The following MYO18B variants were observed in gnomAD, a reference collection of about 807,000 sequenced individuals.
MYO18B encodes myosin XVIIIB.
Under a neutral mutation model 273.0 loss-of-function variants are expected in MYO18B, and 204 were observed. That is an observed-to-expected ratio of 0.75 (90% CI 0.67 to 0.84). The LOEUF (loss-of-function observed/expected upper bound fraction) is 0.84. MYO18B is among the 40% of genes least tolerant of loss of function. MYO18B has a pLI of 0.00. For synonymous variants in MYO18B, 1,330 were observed against 1,305.7 expected (o/e 1.02, Z -0.40); for missense variants, 3,212 against 3,287.6 (o/e 0.98, Z 0.56).
chr22:25,898,935 A>C, intron 29 of MYO18B: 1 of 160,284 alleles, frequency 6.2e-6, no homozygotes, highest in Non-Finnish European at 1.4e-5. Context: ...TGTGCTGAGG[A>C]CTAAATGATG....
chr22:26,027,730 A>G lies in MYO18B; in HGVS notation c.*12+40A>G. ...CTGGGGCTATTCTTGGGGGAATGAG[A>G]GTTCACCTTGCAGCCTTGGGGAGAG... On this transcript the variant is annotated intron_variant, in intron 43 of 43. Coordinates refer to ENST00000335473, the MANE Select transcript of MYO18B (RefSeq NM_032608.7). The surrounding 1 kb of genome is among the most constrained non-coding windows in gnomAD (Gnocchi z 4.1). 1 of 1,529,692 alleles carries G rather than the reference A, an allele frequency of 6.5e-7. No homozygotes were observed. Among genetic ancestry groups the G allele is most frequent in the Non-Finnish European group, 8.8e-7 (1 of 1,138,002 alleles). 94.8% of individuals were successfully genotyped at this position (1,529,692 alleles called of 1,614,324 possible).
At chr22:26,044,322 T>C in the MYO18B span, among the ~76,000 whole-genome samples, 6 of 152,386 alleles carry the variant, frequency 3.9e-5, no homozygotes, top group East Asian at 1.2e-3. Context: ...CAGATGTTTT[T>C]ATTTTTGGTA....
rs1172657887 is a variant in MYO18B at position 26,027,683 on chromosome 22, C to G, written c.*5C>G. ...AAGAAATACCTCCAGAAGTAGGAAC[C>G]AGTTCAGGTAAAAGCAACAGGCTGG... On this transcript the variant is annotated 3_prime_UTR_variant, in exon 43 of 44. Coordinates refer to ENST00000335473, the MANE Select transcript of MYO18B (RefSeq NM_032608.7). The surrounding 1 kb of genome is among the most constrained non-coding windows in gnomAD (Gnocchi z 4.1). The G allele has an allele frequency of 6.2e-7, 1 of 1,604,084 alleles. No individual in the cohort carries two copies. Among genetic ancestry groups the G allele is most frequent in the African/African-American group, 1.3e-5 (1 of 74,844 alleles).
rs1016154482 is a variant in MYO18B, at chr22:25,874,469, A to G, written c.4080+55A>G. 5.1e-6 allele frequency: 8 copies of G among 1,566,056 alleles called. No individual in the cohort carries two copies. In the African/African-American group the frequency reaches 1.1e-4, roughly 21 times the overall value. ...GATCCAACGGGTCTGGAGCGGGCAT[A>G]GGGTCTGCCTGTCTTTCAGGATGAT... On this transcript the variant is annotated intron_variant, in intron 23 of 43. Coordinates refer to ENST00000335473, the MANE Select transcript of MYO18B (RefSeq NM_032608.7).
In MYO18B at chr22:25,846,379, C is replaced by T. The variant is rs1212473636; in HGVS notation, c.3552+96C>T. The T allele has an allele frequency of 8.0e-6, 11 of 1,370,430 alleles. No homozygotes were observed. In the African/African-American group the frequency reaches 8.8e-5, roughly 11 times the overall value. The allele number at this position is 1,370,430 out of a possible 1,614,324, so 84.9% of individuals were successfully genotyped here. A position where few individuals can be genotyped will look rare whatever the true frequency, so the allele number is the denominator to read the frequency against. ...CATGTGCCTACATCATCTCTAACCT[C>T]CCCAGCAAGGCCAGAGGGGCGAGTG... On this transcript the variant is annotated intron_variant, in intron 19 of 43. Coordinates refer to ENST00000335473, the MANE Select transcript of MYO18B (RefSeq NM_032608.7).
At chr22:25,805,443 G>A (rs913670744) in intron 12 of MYO18B, among the ~76,000 whole-genome samples, 10 of 152,180 alleles carry the variant, frequency 6.6e-5, no homozygotes, top group Admixed American at 5.2e-4. Context: ...TATTCTTGGA[G>A]CCTCAGCTGG....
At chr22:25,951,565 C>T (rs1214297634) in intron 37 of MYO18B, among the ~76,000 whole-genome samples, 1 of 152,234 alleles carries the variant, frequency 6.6e-6, no homozygotes, top group Non-Finnish European at 1.5e-5. Context: ...GATCACGATC[C>T]TCTGCGAAAT....
At chr22:25,742,716 G>A (rs2085663582) in intron 1 of MYO18B, among the ~76,000 whole-genome samples, 1 of 152,200 alleles carries the variant, frequency 6.6e-6, no homozygotes, top group Non-Finnish European at 1.5e-5. Context: ...GAAGAGCCAG[G>A]CTTCCCCTTT....
intron 17 of MYO18B, 36 bp downstream of exon 17, chr22:25,835,479 C>A: frequency 1.9e-6 from 3 of 1,611,886 alleles, no homozygotes; most frequent in Non-Finnish European, 2.5e-6. Flanking sequence ...GGGCCTGAGT[C>A]CAGCCTGGGT....
chr22:25,772,197 C>T, intron 6 of MYO18B, 137 bp from the exon 7 acceptor site: 1 of 721,226 alleles, frequency 1.4e-6, no homozygotes, highest in East Asian at 2.8e-5. Context: ...TCCAGAGTCC[C>T]TGTGCTCTGT....
chr22:26,000,513 T>C (rs1415355775), intron 40 of MYO18B, among the ~76,000 whole-genome samples: 1 of 151,700 alleles, frequency 6.6e-6, no homozygotes, highest in East Asian at 1.9e-4. Flanking sequence ...TAGTGAGTTC[T>C]GCCCATGTGG....
rs746772307 is a variant in MYO18B at position 25,826,363 on chromosome 22, A to G, written c.2696-46A>G. ...GCTCTGCAGTGATGTCCTTGGCCCC[A>G]GGCAAGATCCCTAACCAAGAATGCT... On this transcript the variant is annotated intron_variant, in intron 13 of 43. Coordinates refer to ENST00000335473, the MANE Select transcript of MYO18B (RefSeq NM_032608.7). 5 of 1,508,614 alleles carry G rather than the reference A, an allele frequency of 3.3e-6. No individual in the cohort carries two copies. In the Admixed American group the frequency reaches 9.3e-5, roughly 28 times the overall value. 93.5% of individuals were successfully genotyped at this position (1,508,614 alleles called of 1,614,324 possible). A position where few individuals can be genotyped will look rare whatever the true frequency, so the allele number is the denominator to read the frequency against.
At chr22:26,053,587 C>A in the MYO18B span, among the ~76,000 whole-genome samples, 1 of 152,168 alleles carries the variant, frequency 6.6e-6, no homozygotes, top group African/African-American at 2.4e-5. Flanking sequence ...TGGTAGTGAA[C>A]CCCAAATTCA....
intron 21 of MYO18B, among the ~76,000 whole-genome samples, chr22:25,858,866 A>G (rs976508927): frequency 7.9e-5 from 12 of 152,220 alleles, no homozygotes; most frequent in Non-Finnish European, 1.8e-4. Flanking sequence ...TCGAAGTGGG[A>G]TAGCTTAACA....
chr22:25,792,660 A>G (rs931056066), intron 11 of MYO18B, among the ~76,000 whole-genome samples: 2 of 151,492 alleles, frequency 1.3e-5, no homozygotes, highest in African/African-American at 4.9e-5. Context: ...ATGCCCAGCT[A>G]ATTTTTTTAT....
rs368664839 is a variant in MYO18B at position 25,955,217 on chromosome 22, G to T, written c.6009G>T (p.Met2003Ile). ...VIRLRDSLIK[M>I]GEELSQAATS... ...GGCTTCGGGACAGCCTGATCAAGAT[G>T]GGGGAGGAGCTTTCACAGGCGGCCA... The change falls in exon 39 of 44, where the codon ATG becomes ATT. Residue 2003 changes from methionine (M) to isoleucine (I), a missense_variant. Physicochemically the swap from Met to Ile is conservative, Grantham distance 10. Coordinates refer to ENST00000335473, the MANE Select transcript of MYO18B (RefSeq NM_032608.7). 1.2e-6 allele frequency: 2 copies of T among 1,613,014 alleles called. No homozygotes were observed. The highest frequency in any genetic ancestry group is 1.7e-6 in the Non-Finnish European group (2 of 1,179,586).
intron 3 of MYO18B, 67 bp from the exon 4 acceptor site, chr22:25,768,048 C>T (rs1448754588): frequency 1.9e-5 from 25 of 1,328,604 alleles, no homozygotes; most frequent in African/African-American, 4.4e-5. Context: ...TGAACGAACA[C>T]GAGTGAATGA....
Position 25,955,263 on chromosome 22 carries a change from G to C in MYO18B, c.6055G>C (p.Glu2019Gln), listed in dbSNP as rs760827375. 3.1e-6 allele frequency: 5 copies of C among 1,613,650 alleles called. No homozygotes were observed. The highest frequency in any genetic ancestry group is 4.5e-5 in the East Asian group (2 of 44,886). The stretch of plus-strand genomic sequence containing the variant: ...GGCCACCTCCGAGTCCCAGCAGCGG[G>C]AGAGCAGCCAGTACTACCAGCGGCG... ...QAATSESQQR[E>Q]SSQYYQRRLE... The change falls in exon 39 of 44, where the codon GAG (glutamate) becomes CAG (glutamine). Residue 2019 changes from glutamate (E) to glutamine (Q), a missense_variant. By Grantham distance (29) the Glu-to-Gln change is conservative. Coordinates refer to ENST00000335473, the MANE Select transcript of MYO18B (RefSeq NM_032608.7).
intron 12 of MYO18B, among the ~76,000 whole-genome samples, chr22:25,821,927 C>T (rs1395449125): frequency 6.6e-6 from 1 of 152,134 alleles, no homozygotes; most frequent in Non-Finnish European, 1.5e-5. Flanking sequence ...CCATATTTCC[C>T]TTTTATTACT....
Sources: gnomAD v4.1 joint callset for allele counts (sites outside exome capture counted in the v4.1 genomes callset) on GRCh38, gnomAD v4.1.1 for gene constraint, Gnocchi (gnomAD v3.1) non-coding constraint, MANE v1.5 for transcripts, NCBI Gene and HGNC (gene_info 2026-07-23, HGNC 2026-07-21) for gene names.